Variants in MTOR observed in about 807,000 individuals in gnomAD.
MTOR encodes the protein serine/threonine-protein kinase mTOR.
A neutral mutation model predicts 319.8 loss-of-function variants in MTOR; 70 were observed. The observed-to-expected ratio is 0.22, with a 90% CI of 0.18 to 0.27. MTOR has a LOEUF of 0.27. Among genes scored for constraint, MTOR ranks in the 10% least tolerant of loss-of-function variants. The pLI is 1.00. For synonymous variants in MTOR, 1,183 were observed against 1,211.4 expected (o/e 0.98, Z 0.49); for missense variants, 1,890 against 3,274.4 (o/e 0.58, Z 10.32).
At chr1:11,111,838 A>C (rs1010394576) in intron 54 of MTOR, 1 of 151,914 alleles carries the variant, frequency 6.6e-6, no homozygotes, top group Non-Finnish European at 1.5e-5. Flanking sequence ...TTACACCCTA[A>C]CAGTAATTCC....
chr1:11,147,295 T>C (rs1643963868), intron 31 of MTOR, among the ~76,000 whole-genome samples: 1 of 152,172 alleles, frequency 6.6e-6, no homozygotes, highest in Admixed American at 6.5e-5. Flanking sequence ...GGCAATATCT[T>C]TGCCTCAGGA....
chr1:11,245,020 T>C (rs1234214917), intron 8 of MTOR, among the ~76,000 whole-genome samples: 2 of 152,220 alleles, frequency 1.3e-5, no homozygotes, highest in Non-Finnish European at 2.9e-5. Context: ...CTGAGCACTG[T>C]TTGCAATAAA....
At chr1:11,193,310 CAA>C (rs139216891) in intron 28 of MTOR, among the ~76,000 whole-genome samples, 6 of 141,902 alleles carry the variant, frequency 4.2e-5, no homozygotes, top group Admixed American at 7.1e-5. Context: ...AATTCTGCTT[CAA>C]AAAAAAAAAA....
intron 49 of MTOR, among the ~76,000 whole-genome samples, chr1:11,118,583 T>G (rs886728993): frequency 1.3e-5 from 2 of 151,414 alleles, no homozygotes; most frequent in African/African-American, 4.8e-5. Flanking sequence ...GGCTGGAGTG[T>G]AATGGCTTTT....
chr1:11,247,388 A>T (rs1648989647), intron 8 of MTOR, among the ~76,000 whole-genome samples: 1 of 152,192 alleles, frequency 6.6e-6, no homozygotes, highest in African/African-American at 2.4e-5. Flanking sequence ...ACTTGTTGGC[A>T]TCCATACATG....
intron 26 of MTOR, among the ~76,000 whole-genome samples, chr1:11,200,876 G>A (rs184225015): frequency 8.6e-4 from 131 of 152,072 alleles, no homozygotes; most frequent in African/African-American, 2.7e-3. Flanking sequence ...TTAGCCGGGC[G>A]CGGTGGTGGT....
At chr1:11,203,144 C>T (rs866476874) in intron 26 of MTOR, among the ~76,000 whole-genome samples, 1 of 150,882 alleles carries the variant, frequency 6.6e-6, no homozygotes, top group Admixed American at 6.6e-5. Context: ...ACCCAGGAGA[C>T]GGAGGTTGCA....
intron 28 of MTOR, among the ~76,000 whole-genome samples, chr1:11,197,417 G>C (rs1645823310): frequency 6.6e-6 from 1 of 152,122 alleles, no homozygotes; most frequent in Non-Finnish European, 1.5e-5. Context: ...AAAAAGAAAG[G>C]TGATGGGAAG....
chr1:11,187,013 G>A (rs1239011023), intron 28 of MTOR, among the ~76,000 whole-genome samples: 1 of 152,114 alleles, frequency 6.6e-6, no homozygotes, highest in Non-Finnish European at 1.5e-5. Flanking sequence ...ACAAACTTAC[G>A]AACCTCCTCC....
chr1:11,253,551 C>CG (rs1649977061), intron 6 of MTOR, among the ~76,000 whole-genome samples: 2 of 152,100 alleles, frequency 1.3e-5, no homozygotes, highest in Non-Finnish European at 2.9e-5. Context: ...CACAGTCCCC[C>CG]GGCCTGCTGC....
intron 28 of MTOR, among the ~76,000 whole-genome samples, chr1:11,178,594 CTCCTT>C (rs1438865286): frequency 6.6e-6 from 1 of 152,236 alleles, no homozygotes; most frequent in Non-Finnish European, 1.5e-5. Context: ...ATGAGCACTG[CTCCTT>C]TTCTTGTGAT....
At chr1:11,169,390 C>T (rs1227907776) in intron 28 of MTOR, among the ~76,000 whole-genome samples, 2 of 152,174 alleles carry the variant, frequency 1.3e-5, no homozygotes, top group Non-Finnish European at 2.9e-5. Flanking sequence ...TTCCCCAAGG[C>T]CCACAGGAAT....
chr1:11,243,126 T>C lies in MTOR; in HGVS notation c.1400A>G (p.Asp467Gly). ...DIIRAALPPKDFAHKRQKAMQ... is the reference protein window; with the variant it reads ...DIIRAALPPKGFAHKRQKAMQ... ...CAGAGGTGCTTACTTATGGGCGAAG[T>C]CCTTTGGGGGCAGGGCCGCTCGGAT... is the stretch of plus-strand genomic sequence containing the variant. The change falls in exon 9 of 58, where the codon GAC (aspartate) becomes GGC (glycine). Residue 467 changes from aspartate (D) to glycine (G), a missense_variant. Physicochemically the swap from Asp to Gly is moderately conservative, Grantham distance 94 (BLOSUM62 -1). This residue lies in a region of MTOR where 418 missense variants were observed against 543.1 expected (regional missense o/e 0.77). Coordinates refer to ENST00000361445, the MANE Select transcript of MTOR (RefSeq NM_004958.4). The C allele has an allele frequency of 6.2e-7, 1 of 1,614,014 alleles. No homozygotes were observed. The highest frequency in any genetic ancestry group is 8.5e-7 in the Non-Finnish European group (1 of 1,180,008).
At chr1:11,236,222 A>G (rs1334660547) in intron 13 of MTOR, among the ~76,000 whole-genome samples, 1 of 147,984 alleles carries the variant, frequency 6.8e-6, no homozygotes, top group Non-Finnish European at 1.5e-5. Context: ...CTGCATCCAC[A>G]ACTTACCAGG....
rs566404381 is a variant in MTOR at position 11,192,863 on chromosome 1, C to A, written c.4253+6395G>T. Reference sequence around the variant, plus strand: ...ACTCCAAACCCAGGCATCTGTTTGGCCCCTTCAAATCATTATCAGTCAAAC... The same window carrying A: ...ACTCCAAACCCAGGCATCTGTTTGGACCCTTCAAATCATTATCAGTCAAAC... On this transcript the variant is annotated intron_variant, in intron 28 of 57. Transcript: ENST00000361445. Among the ~76,000 whole-genome samples the A allele has an allele frequency of 4.6e-5, 7 of 152,186 alleles. No individual in the cohort carries two copies. The East Asian group carries it at 1.3e-3, about 29-fold the overall frequency.
rs1439530593 is a variant in MTOR at position 11,234,052 on chromosome 1, A to C, written c.2331+91T>G. The C allele has an allele frequency of 4.4e-6, 7 of 1,574,112 alleles. No individual in the cohort carries two copies. In the East Asian group the frequency reaches 1.6e-4, roughly 35 times the overall value. On this transcript the variant is annotated intron_variant, in intron 14 of 57. Transcript: ENST00000361445. ...AGCAAAGAAATCACCTACTTTGTTC[A>C]GTGTACTAGTGAACACTGAAACACT...
chr1:11,122,698 G>A (rs1413969777), intron 47 of MTOR, among the ~76,000 whole-genome samples: 5 of 151,544 alleles, frequency 3.3e-5, no homozygotes, highest in East Asian at 2.0e-4. Flanking sequence ...TAGTAGAGAC[G>A]GGGTTTCACT....
intron 28 of MTOR, among the ~76,000 whole-genome samples, chr1:11,180,520 A>T (rs1356458957): frequency 3.3e-5 from 5 of 152,186 alleles, no homozygotes; most frequent in Non-Finnish European, 1.5e-5. Context: ...AAGAATGACC[A>T]GGCCTGTTTT....
chr1:11,126,477 C>G, intron 46 of MTOR, 145 bp downstream of exon 46: 1 of 946,068 alleles, frequency 1.1e-6, no homozygotes, highest in Admixed American at 2.9e-5. Context: ...TGCTTGCCCT[C>G]TATTTTCCTC....
Sources: allele counts gnomAD v4.1 joint callset (sites outside exome capture counted in the v4.1 genomes callset), GRCh38; gene constraint gnomAD v4.1.1; regional missense constraint gnomAD v4.1.1; transcripts MANE v1.5; gene names NCBI Gene and HGNC (gene_info 2026-07-23, HGNC 2026-07-21).